Variants in DPYD observed in about 807,000 individuals in gnomAD.
The protein encoded by DPYD is dihydropyrimidine dehydrogenase, also known as dihydropyrimidine dehydrogenase [NADP(+)].
DPYD carries 109 observed loss-of-function variants against 116.2 expected under a neutral mutation model. The ratio of observed to expected loss-of-function variants is 0.94; its 90% confidence interval spans 0.80 to 1.10. The LOEUF (loss-of-function observed/expected upper bound fraction) is 1.10, where lower values mean the gene tolerates loss of function less well. Ranked by LOEUF, DPYD falls within the 50% of genes least tolerant of loss-of-function variation. The pLI is 0.00. For synonymous variants in DPYD, 440 were observed against 432.0 expected, an observed-to-expected ratio of 1.02 and a Z score of -0.23; for missense variants, 1,302 against 1,254.5, an observed-to-expected ratio of 1.04 and a Z score of -0.57.
intron 2 of DPYD, among the ~76,000 whole-genome samples, chr1:97,841,178 A>G (rs1353591715): frequency 1.3e-5 from 2 of 152,122 alleles, no homozygotes; most frequent in African/African-American, 4.8e-5. Context: ...AAATTTGAAA[A>G]TTGAATGAAG....
At chr1:97,386,782 G>T (rs748724674) in intron 14 of DPYD, among the ~76,000 whole-genome samples, 1 of 152,008 alleles carries the variant, frequency 6.6e-6, no homozygotes, top group Non-Finnish European at 1.5e-5. Flanking sequence ...GAGAAATAAA[G>T]ATGACCAAAA....
chr1:97,776,928 T>A (rs867704361), intron 3 of DPYD, among the ~76,000 whole-genome samples: 1 of 152,214 alleles, frequency 6.6e-6, no homozygotes, highest in East Asian at 1.9e-4. Context: ...AGACATTTTC[T>A]AGGGTATTTG....
Position 97,324,980 on chromosome 1 carries a change from A to G in DPYD, c.2059-18683T>C, listed in dbSNP as rs1307575559. Among the ~76,000 whole-genome samples the G allele has an allele frequency of 1.2e-4, 18 of 152,070 alleles. 1 individual carries two copies. The highest frequency in any genetic ancestry group is 1.2e-3 in the Admixed American group (18 of 15,228). On this transcript the variant is annotated intron_variant, in intron 16 of 22. Coordinates refer to ENST00000370192, the MANE Select transcript of DPYD (RefSeq NM_000110.4). ...ATTACCAATTCGACAAGGATCTTTC[A>G]TTTATCCCAACTCAACTTTACAGAA...
At chr1:97,485,503 G>A (rs1468925327) in intron 13 of DPYD, among the ~76,000 whole-genome samples, 4 of 152,012 alleles carry the variant, frequency 2.6e-5, no homozygotes, top group African/African-American at 9.7e-5. Context: ...TGCCCAGCCT[G>A]ACATACTCTT....
At chr1:97,164,733 G>T (rs752746869) in intron 20 of DPYD, among the ~76,000 whole-genome samples, 3 of 152,016 alleles carry the variant, frequency 2.0e-5, no homozygotes, top group Non-Finnish European at 1.5e-5. Context: ...GTGAAAGATC[G>T]CTACAATGAG....
intron 13 of DPYD, among the ~76,000 whole-genome samples, chr1:97,454,290 T>C (rs1676570410): frequency 6.6e-6 from 1 of 151,956 alleles, no homozygotes; most frequent in African/African-American, 2.4e-5. Flanking sequence ...GTTATATAAC[T>C]AGAGTTAGAG....
At chr1:97,728,874 A>G (rs575712850) in intron 4 of DPYD, among the ~76,000 whole-genome samples, 1 of 152,148 alleles carries the variant, frequency 6.6e-6, no homozygotes, top group East Asian at 1.9e-4. Context: ...GTCCTCAGAT[A>G]TTTGGCAAAG....
chr1:97,327,006 G>A (rs1460174658), intron 16 of DPYD, among the ~76,000 whole-genome samples: 1 of 151,910 alleles, frequency 6.6e-6, no homozygotes, highest in Non-Finnish European at 1.5e-5. Context: ...AATCAATTGT[G>A]GTTTAAACAA....
At chr1:97,881,703 C>A (rs1452486707) in intron 2 of DPYD, among the ~76,000 whole-genome samples, 1 of 151,942 alleles carries the variant, frequency 6.6e-6, no homozygotes, top group African/African-American at 2.4e-5. Context: ...AAGTCCTGAC[C>A]ATAAATACTT....
At chr1:97,104,105 C>T (rs1158624556) in intron 20 of DPYD, among the ~76,000 whole-genome samples, 1 of 152,108 alleles carries the variant, frequency 6.6e-6, no homozygotes, top group Non-Finnish European at 1.5e-5. Context: ...TACTGCACTG[C>T]CTTATCATCA....
intron 3 of DPYD, among the ~76,000 whole-genome samples, chr1:97,780,752 G>T (rs1666695956): frequency 1.3e-5 from 2 of 152,278 alleles, no homozygotes; most frequent in South Asian, 4.1e-4. Context: ...AATTGCAAAT[G>T]AAGAATTACT....
rs918581389 is a variant in DPYD, at chr1:97,502,137, T to A, written c.1740+13589A>T. ...ATTTTATTGAATGATTTAAAAGTCA[T>A]AAGATCTTCTGTTAACCAAAAAGAA... On this transcript the variant is annotated intron_variant, in intron 13 of 22. Transcript: ENST00000370192. Among the ~76,000 whole-genome samples, 60 of 152,050 alleles carry A rather than the reference T, an allele frequency of 3.9e-4. 1 individual carries two copies. The highest frequency in any genetic ancestry group is 1.4e-3 in the African/African-American group (58 of 41,444).
At chr1:97,752,329 CACATACAT>C (rs1222806894) in intron 3 of DPYD, among the ~76,000 whole-genome samples, 13 of 151,212 alleles carry the variant, frequency 8.6e-5, no homozygotes, top group African/African-American at 1.5e-4. Flanking sequence ...CACACATACA[CACATACAT>C]TAAATTTAAA....
At chr1:97,834,291 T>C (rs1669662722) in intron 2 of DPYD, among the ~76,000 whole-genome samples, 1 of 152,020 alleles carries the variant, frequency 6.6e-6, no homozygotes. Context: ...ATTCATTCAA[T>C]ATTTATTTAG....
intron 8 of DPYD, among the ~76,000 whole-genome samples, chr1:97,657,812 T>C (rs954631341): frequency 2.6e-5 from 4 of 152,130 alleles, no homozygotes; most frequent in African/African-American, 9.7e-5. Flanking sequence ...TAGCAGAAAA[T>C]GTTGAAGACT....
At chr1:97,487,508 C>T (rs1333436873) in intron 13 of DPYD, among the ~76,000 whole-genome samples, 1 of 152,058 alleles carries the variant, frequency 6.6e-6, no homozygotes, top group African/African-American at 2.4e-5. Context: ...CCCATCTCTA[C>T]TAAAAATACA....
intron 19 of DPYD, among the ~76,000 whole-genome samples, chr1:97,200,656 A>T (rs1015500956): frequency 6.6e-6 from 1 of 152,218 alleles, no homozygotes; most frequent in South Asian, 2.1e-4. Flanking sequence ...TAGTTTTCAA[A>T]GCATGCTGTC....
At chr1:97,588,261 G>A (rs1288144101) in intron 10 of DPYD, among the ~76,000 whole-genome samples, 4 of 152,136 alleles carry the variant, frequency 2.6e-5, no homozygotes, top group African/African-American at 4.8e-5. Context: ...TAGCATGCAG[G>A]CCCCATAAAA....
At position 97,828,965 on chromosome 1, in the gene DPYD, T is replaced by C. The variant is rs1331776416; in HGVS notation, c.151-769A>G. On this transcript the variant is annotated intron_variant, in intron 2 of 22. Transcript: ENST00000370192. ...AAAAAATTTTTACTACAATTCTAAATATAATTATACGTACTTAAAACTCAC... is the reference window on the plus strand; with the variant it reads ...AAAAAATTTTTACTACAATTCTAAACATAATTATACGTACTTAAAACTCAC... Among the ~76,000 whole-genome samples, 3 of 151,872 alleles carry C rather than the reference T, an allele frequency of 2.0e-5. No individual in the cohort carries two copies. The East Asian group carries it at 5.8e-4, about 29-fold the overall frequency.
Sources: allele counts gnomAD v4.1 joint callset (sites outside exome capture counted in the v4.1 genomes callset), GRCh38; gene constraint gnomAD v4.1.1; transcripts MANE v1.5; gene names NCBI Gene and HGNC (gene_info 2026-07-23, HGNC 2026-07-21).